FHL2: variants seen among roughly 807,000 people sequenced by gnomAD.
FHL2 encodes the protein four and a half LIM domains 2.
Under a neutral mutation model 32.7 loss-of-function variants are expected in FHL2, and 20 were observed. The observed-to-expected ratio is 0.61, with a 90% CI of 0.43 to 0.89. The LOEUF (loss-of-function observed/expected upper bound fraction) is 0.89, where lower values mean the gene tolerates loss of function less well. Among genes scored for constraint, FHL2 ranks in the 40% least tolerant of loss-of-function variants. The pLI is 0.00. For synonymous variants in FHL2, 123 were observed against 128.1 expected (o/e 0.96, Z 0.27); for missense variants, 311 against 358.6 (o/e 0.87, Z 1.07).
At chr2:105,420,785 A>C (rs76120273) in intron 1 of FHL2, among the ~76,000 whole-genome samples, 9,052 of 152,168 alleles carry the variant, frequency 0.059, 892 homozygotes, top group African/African-American at 0.21. Context: ...GATCCCTCAC[A>C]TGTGCAGCTC....
chr2:105,438,269 C>CA, intron 1 of FHL2: 1 of 749,312 alleles, frequency 1.3e-6, no homozygotes, highest in Non-Finnish European at 1.6e-6. Flanking sequence ...GCTCCCAGTG[C>CA]CTGAGAGCTT....
At chr2:105,405,702 C>T (rs553494699) in intron 1 of FHL2, among the ~76,000 whole-genome samples, 1 of 152,336 alleles carries the variant, frequency 6.6e-6, no homozygotes, top group African/African-American at 2.4e-5. Flanking sequence ...TGTGCTATTT[C>T]CACTTTGATT....
At chr2:105,373,049 T>G (rs1278221142) in intron 4 of FHL2, among the ~76,000 whole-genome samples, 1 of 152,192 alleles carries the variant, frequency 6.6e-6, no homozygotes, top group Non-Finnish European at 1.5e-5. Flanking sequence ...CTGGCCCAGT[T>G]GCGGCTGTGC....
chr2:105,422,946 A>G (rs1684148960), intron 1 of FHL2, among the ~76,000 whole-genome samples: 1 of 152,182 alleles, frequency 6.6e-6, no homozygotes, highest in African/African-American at 2.4e-5. Flanking sequence ...TAATGTCAGA[A>G]CACTAATTTA....
chr2:105,422,931 G>A (rs1017119420), intron 1 of FHL2, among the ~76,000 whole-genome samples: 24 of 152,162 alleles, frequency 1.6e-4, no homozygotes, highest in African/African-American at 3.6e-4. Flanking sequence ...AAAGTCTTCC[G>A]TCAATAATGT....
chr2:105,386,621 G>A (rs1228064338), intron 2 of FHL2, 81 bp from the exon 3 acceptor site: 5 of 1,245,384 alleles, frequency 4.0e-6, no homozygotes, highest in African/African-American at 1.5e-5. Flanking sequence ...CTGTCCCACT[G>A]TCTGTCATCT....
At position 105,370,383 on chromosome 2, in the gene FHL2, A is replaced by G. The variant is rs545262188; in HGVS notation, c.332-2644T>C. Among the ~76,000 whole-genome samples the G allele has an allele frequency of 2.0e-5, 3 of 152,250 alleles. No homozygotes were observed. In the South Asian group the frequency reaches 6.2e-4, roughly 32 times the overall value. On this transcript the variant is annotated intron_variant, in intron 4 of 6. Coordinates refer to ENST00000530340, the MANE Select transcript of FHL2 (RefSeq NM_001318895.3). ...GAGCGAGATCCTGGCTCAAAAAAAA[A>G]AAAAGTCAAATGAGGAGCCAGAAAT...
Position 105,386,756 on chromosome 2 carries a change from CTTTTTTT to C in FHL2, c.-24-223_-24-217del, listed in dbSNP as rs11380471. Among the ~76,000 whole-genome samples the C allele has an allele frequency of 1.1e-3, 56 of 48,966 alleles. 1 individual carries two copies. The highest frequency in any genetic ancestry group is 4.6e-3 in the African/African-American group (49 of 10,752). The allele number at this position is 48,966 out of a possible 152,430, so 32.1% of individuals were successfully genotyped here. On this transcript the variant is annotated intron_variant, in intron 2 of 6. Transcript: ENST00000530340. Reference sequence around the variant, plus strand: ...CGGTTTTGTGTTTGAATGCATTCCACTTTTTTTTTTTTTTTTTTTTTTTTTGGAGACA... The same window carrying C: ...CGGTTTTGTGTTTGAATGCATTCCACTTTTTTTTTTTTTTTTTTGGAGACA...
chr2:105,363,530 T>C, intron 5 of FHL2, 59 bp from the exon 6 acceptor site: 1 of 1,458,342 alleles, frequency 6.9e-7, no homozygotes, highest in Non-Finnish European at 9.3e-7. Context: ...ATCTTCAGTC[T>C]CAGCTACTGC....
intron 4 of FHL2, among the ~76,000 whole-genome samples, chr2:105,370,316 A>G (rs1411113729): frequency 6.6e-6 from 1 of 152,056 alleles, no homozygotes; most frequent in Admixed American, 6.5e-5. Context: ...TCAAGGCTGC[A>G]GTGAGCAGTG....
chr2:105,435,215 T>C (rs1390801604), intron 1 of FHL2, among the ~76,000 whole-genome samples: 1 of 152,226 alleles, frequency 6.6e-6, no homozygotes, highest in Non-Finnish European at 1.5e-5. Flanking sequence ...TGGCTAATCA[T>C]ATTTTATTTA....
chr2:105,384,976 G>A (rs183670294), intron 3 of FHL2, among the ~76,000 whole-genome samples: 17 of 152,348 alleles, frequency 1.1e-4, no homozygotes, highest in Admixed American at 5.2e-4. Flanking sequence ...GAGAAAAGTC[G>A]TCAGGTGCAG....
intron 4 of FHL2, among the ~76,000 whole-genome samples, chr2:105,373,247 A>G (rs979173374): frequency 6.6e-6 from 1 of 152,202 alleles, no homozygotes; most frequent in African/African-American, 2.4e-5. Context: ...GAAACTATCT[A>G]TGGTGGTGGG....
At chr2:105,420,869 T>A (rs1684082144) in intron 1 of FHL2, among the ~76,000 whole-genome samples, 1 of 152,152 alleles carries the variant, frequency 6.6e-6, no homozygotes, top group African/African-American at 2.4e-5. Flanking sequence ...CAGTGGGGAA[T>A]GCTTCTCGCC....
At chr2:105,394,483 G>A (rs1323931580) in intron 2 of FHL2, among the ~76,000 whole-genome samples, 3 of 151,836 alleles carry the variant, frequency 2.0e-5, no homozygotes. Flanking sequence ...TGAGGCAGGA[G>A]GACTGCTTGA....
rs574403671 is a variant in FHL2, at chr2:105,370,218, A to C, written c.332-2479T>G. 4.7e-3 allele frequency among the ~76,000 whole-genome samples: 712 copies of C among 150,252 alleles called. 5 individuals carry two copies. The highest frequency in any genetic ancestry group is 8.1e-3 in the Non-Finnish European group (551 of 67,650). ...AGAGTCCCTGTCTCTACCCCCCCAA[A>C]AAAAAAATTAGGCGGGTGTGGTGGT... is the stretch of plus-strand genomic sequence containing the variant. On this transcript the variant is annotated intron_variant, in intron 4 of 6. Transcript: ENST00000530340.
At chr2:105,416,355 G>A (rs559955552) in intron 1 of FHL2, among the ~76,000 whole-genome samples, 3 of 152,150 alleles carry the variant, frequency 2.0e-5, no homozygotes, top group African/African-American at 7.2e-5. Context: ...TTCTGCATTC[G>A]ATCTGTGGAG....
intron 2 of FHL2, among the ~76,000 whole-genome samples, 144 bp downstream of exon 2, chr2:105,396,490 TCTCATCCAAAAAC>T: frequency 6.6e-6 from 1 of 152,134 alleles, no homozygotes; most frequent in Admixed American, 6.5e-5. Context: ...CATATGTCAA[TCTCATCCAAAAAC>T]ACCCTCCCAG....
chr2:105,402,350 G>A (rs539776631), upstream of FHL2, among the ~76,000 whole-genome samples: 4 of 151,984 alleles, frequency 2.6e-5, no homozygotes, highest in East Asian at 5.8e-4. Flanking sequence ...AGGTGCAAGC[G>A]ATTCTCCTGC....
Sources: allele counts gnomAD v4.1 joint callset (sites outside exome capture counted in the v4.1 genomes callset), GRCh38; gene constraint gnomAD v4.1.1; transcripts MANE v1.5; gene names NCBI Gene and HGNC (gene_info 2026-07-23, HGNC 2026-07-21).